Variants in ANO1 observed in about 807,000 individuals in gnomAD.
ANO1 encodes anoctamin-1.
ANO1 carries 59 observed loss-of-function variants against 124.0 expected under a neutral mutation model. The observed-to-expected ratio is 0.48, with a 90% CI of 0.39 to 0.59. The LOEUF is 0.59. ANO1 is among the 20% of genes least tolerant of loss of function. ANO1 has a pLI of 0.00. For missense variants in ANO1, 1,059 were observed against 1,328.0 expected (o/e 0.80, Z 3.15); for synonymous variants, 529 against 532.0 (o/e 0.99, Z 0.08).
rs544587369 is a variant in ANO1 at position 70,006,701 on chromosome 11, ACT to A, written c.58+20538_58+20539del. 2.8e-3 allele frequency among the ~76,000 whole-genome samples: 327 copies of A among 117,476 alleles called. 3 individuals carry two copies. The highest frequency in any genetic ancestry group is 0.011 in the African/African-American group (317 of 30,096). 77.1% of individuals were successfully genotyped at this position (117,476 alleles called of 152,430 possible). On this transcript the variant is annotated intron_variant, in intron 1 of 27. Transcript: ENST00000531349. ...TTTTTTTTTTTTGAGATGGAGTCTC[ACT>A]CTGTGACCCAGACTGGAGTGCAGTG... is the stretch of plus-strand genomic sequence containing the variant.
At chr11:70,086,516 G>A (rs34789047) in intron 1 of ANO1, among the ~76,000 whole-genome samples, 24,158 of 152,174 alleles carry the variant, frequency 0.16, 2,298 homozygotes, top group African/African-American at 0.26. Flanking sequence ...ACCCACCAGC[G>A]GTGCCCATCC....
At chr11:70,095,021 CAT>C (rs1443683915) in intron 2 of ANO1, among the ~76,000 whole-genome samples, 1 of 152,048 alleles carries the variant, frequency 6.6e-6, no homozygotes, top group Non-Finnish European at 1.5e-5. Context: ...AGCTTGGCCA[CAT>C]AGCGAAACCC....
upstream of ANO1, among the ~76,000 whole-genome samples, chr11:70,076,572 A>T (rs2044060410): frequency 6.6e-6 from 1 of 152,206 alleles, no homozygotes; most frequent in Non-Finnish European, 1.5e-5. Flanking sequence ...ATGGAGTTAC[A>T]TAATCCTCTG....
intron 16 of ANO1, 81 bp from the exon 17 acceptor site, chr11:70,161,080 T>A (rs897094970): frequency 9.1e-6 from 12 of 1,316,098 alleles, no homozygotes; most frequent in Non-Finnish European, 1.2e-5. Flanking sequence ...GGGGGACAGC[T>A]GGACTGAGGG....
chr11:70,145,943 C>CAAAAAAAAAA (rs10589426), intron 11 of ANO1, among the ~76,000 whole-genome samples: 9 of 108,664 alleles, frequency 8.3e-5, no homozygotes, highest in East Asian at 2.7e-4. Flanking sequence ...TCTCAAAAAA[C>CAAAAAAAAAA]AAAAAAAAAA....
intron 13 of ANO1, 79 bp downstream of exon 13, chr11:70,152,540 C>T (rs2047646904): frequency 1.3e-6 from 2 of 1,514,092 alleles, no homozygotes; most frequent in Non-Finnish European, 1.8e-6. Flanking sequence ...CACCTAATCT[C>T]TTTCTACCAC....
At chr11:70,178,410 T>C (rs1202276471) in intron 22 of ANO1, among the ~76,000 whole-genome samples, 1 of 152,186 alleles carries the variant, frequency 6.6e-6, no homozygotes, top group African/African-American at 2.4e-5. Context: ...TGAGGACCAC[T>C]GCACTCGTGC....
chr11:70,161,973 A>ACC (rs1301190587), intron 18 of ANO1, among the ~76,000 whole-genome samples: 1 of 151,452 alleles, frequency 6.6e-6, no homozygotes, highest in East Asian at 2.0e-4. Context: ...GGCAGTGAGG[A>ACC]CCGGGGAGTG....
intron 1 of ANO1, among the ~76,000 whole-genome samples, chr11:70,020,207 CAT>C (rs1414372128): frequency 6.6e-6 from 1 of 152,226 alleles, no homozygotes; most frequent in African/African-American, 2.4e-5. Context: ...CCCATGAGCA[CAT>C]GTGTCTGATA....
chr11:69,990,273 C>T (rs533273099), intron 1 of ANO1, among the ~76,000 whole-genome samples: 2 of 152,212 alleles, frequency 1.3e-5, no homozygotes, highest in South Asian at 4.2e-4. Flanking sequence ...TTGTGTCTGG[C>T]TTCTTTCACT....
intron 1 of ANO1, among the ~76,000 whole-genome samples, chr11:70,071,728 A>G (rs147760615): frequency 3.9e-5 from 6 of 152,216 alleles, no homozygotes; most frequent in African/African-American, 1.2e-4. Flanking sequence ...GGCTTAAGCA[A>G]TCCTCCCACC....
intron 1 of ANO1, among the ~76,000 whole-genome samples, chr11:70,071,234 G>T (rs1162751001): frequency 3.3e-5 from 5 of 152,196 alleles, no homozygotes; most frequent in Admixed American, 6.5e-5. Context: ...CTACATGTGT[G>T]CTGTACAGAG....
At chr11:69,994,546 A>G (rs897659092) in intron 1 of ANO1, among the ~76,000 whole-genome samples, 3 of 152,178 alleles carry the variant, frequency 2.0e-5, no homozygotes, top group Non-Finnish European at 2.9e-5. Flanking sequence ...GACATCATCT[A>G]TATATATATG....
chr11:70,087,757 G>C lies in ANO1; in HGVS notation c.114G>C (p.Leu38=). The change falls in exon 2 of 26, where the codon CTG becomes CTC. Residue 38 remains leucine, a synonymous_variant. Coordinates refer to ENST00000355303, the MANE Select transcript of ANO1 (RefSeq NM_018043.7). ...IGYLPSEGTL[L]NSLSVDPDAE... ...GTCTTTTCTTCCACCCTTAGCTGCT[G>C]AACTCCTTATCTGTGGACCCTGATG... is the stretch of plus-strand genomic sequence containing the variant. The C allele has an allele frequency of 6.3e-7, 1 of 1,594,438 alleles. No individual in the cohort carries two copies. The highest frequency in any genetic ancestry group is 1.3e-5 in the African/African-American group (1 of 74,708).
intron 1 of ANO1, among the ~76,000 whole-genome samples, chr11:69,997,540 C>A (rs1044740426): frequency 6.6e-6 from 1 of 152,124 alleles, no homozygotes; most frequent in Non-Finnish European, 1.5e-5. Context: ...CACTCTCCCC[C>A]CGTCCCAACG....
chr11:70,162,823 G>C (rs920272458), intron 18 of ANO1, among the ~76,000 whole-genome samples: 1 of 152,222 alleles, frequency 6.6e-6, no homozygotes, highest in South Asian at 2.1e-4. Context: ...AGAAAGCCGA[G>C]AGGTTGTCTA....
At chr11:70,148,843 C>G (rs534135903) in intron 11 of ANO1, among the ~76,000 whole-genome samples, 64 of 152,252 alleles carry the variant, frequency 4.2e-4, no homozygotes, top group African/African-American at 1.5e-3. Flanking sequence ...GGACGGGGAT[C>G]CTGATGGAAG....
At chr11:70,155,034 G>T (rs1341889709) in intron 14 of ANO1, among the ~76,000 whole-genome samples, 3 of 152,216 alleles carry the variant, frequency 2.0e-5, no homozygotes, top group African/African-American at 7.2e-5. Context: ...CGGCATCCCG[G>T]CCCCCAAGCC....
Position 70,149,726 on chromosome 11 carries a change from G to A in ANO1, c.1275G>A (p.Glu425=). The part of the protein sequence containing the change: ...FMALWAATFM[E]HWKRKQMRLN... The stretch of plus-strand genomic sequence containing the variant: ...TGCCCGCAGCTGCCACCTTCATGGA[G>A]CACTGGAAGCGGAAACAGATGCGAC... The change falls in exon 12 of 26, where the codon GAG becomes GAA. Residue 425 remains glutamate (E), a synonymous_variant. Transcript: ENST00000355303. 6.2e-7 allele frequency: 1 copy of A among 1,613,642 alleles called. No homozygotes were observed. The highest frequency in any genetic ancestry group is 8.5e-7 in the Non-Finnish European group (1 of 1,179,840).
Sources: gnomAD v4.1 joint callset for allele counts (sites outside exome capture counted in the v4.1 genomes callset) on GRCh38, gnomAD v4.1.1 for gene constraint, MANE v1.5 for transcripts, NCBI Gene and HGNC (gene_info 2026-07-23, HGNC 2026-07-21) for gene names.